The following AMZ1 variants were observed in gnomAD, a reference collection of about 807,000 sequenced individuals.
AMZ1 encodes archaelysin family metallopeptidase 1.
A neutral mutation model predicts 29.9 loss-of-function variants in AMZ1; 39 were observed. The ratio of observed to expected loss-of-function variants is 1.30; its 90% CI spans 1.01 to 1.70. The LOEUF is 1.70. AMZ1 is among the 40% of genes most tolerant of loss of function. The probability of loss-of-function intolerance (pLI) is 0.00; values close to 1 mark genes in which losing one functional copy is unlikely to be tolerated. For missense variants in AMZ1, 1,041 were observed against 680.6 expected (o/e 1.53, Z -5.89); for synonymous variants, 458 against 304.0 (o/e 1.51, Z -5.27).
chr7:2,731,537 C>T lies in AMZ1; in HGVS notation n.550+21721C>T. Reference sequence around the variant, plus strand: ...TCCACCAGCCGGTTGGTGCGCCTGTCCTCCATGAGGACCTGGTCGTACTCG... The same window carrying T: ...TCCACCAGCCGGTTGGTGCGCCTGTTCTCCATGAGGACCTGGTCGTACTCG... On this transcript the variant is annotated intron_variant and non_coding_transcript_variant, in intron 4 of 4. Coordinates refer to the AMZ1 transcript ENST00000489665. This position sits in a 1 kb window ranked among gnomAD's most constrained non-coding sequence, Gnocchi z 6.0. 6.2e-7 allele frequency: 1 copy of T among 1,611,526 alleles called. No homozygotes were observed. The highest frequency in any genetic ancestry group is 1.3e-5 in the African/African-American group (1 of 74,994).
At chr7:2,700,905 G>A in intron 2 of AMZ1, 150 bp downstream of exon 2, 1 of 1,142,534 alleles carries the variant, frequency 8.8e-7, no homozygotes, top group East Asian at 2.6e-5. Flanking sequence ...AGGCAGGGAG[G>A]TCCTGGCTGG....
rs1212170484 is a variant in AMZ1, at chr7:2,719,369, G to A, written c.*6491G>A. On this transcript the variant is annotated 3_prime_UTR_variant, in exon 7 of 7. Transcript: ENST00000683327. Reference sequence around the variant, plus strand: ...CAATGCCTAAAGAGGGCAAAGGCCCGCGCGCCTGGCAGAGCTCCCTCCTCT... The same window carrying A: ...CAATGCCTAAAGAGGGCAAAGGCCCACGCGCCTGGCAGAGCTCCCTCCTCT... Among the ~76,000 whole-genome samples, 6 of 152,212 alleles carry A rather than the reference G, an allele frequency of 3.9e-5. No individual in the cohort carries two copies. Among genetic ancestry groups the A allele is most frequent in the Admixed American group, 1.3e-4 (2 of 15,278 alleles).
At chr7:2,743,942 C>G (rs1790635805) in intron 4 of AMZ1, among the ~76,000 whole-genome samples, 2 of 152,058 alleles carry the variant, frequency 1.3e-5, no homozygotes, top group South Asian at 4.2e-4. Flanking sequence ...AGTCTGAGAT[C>G]AAACTGCAAG....
intron 4 of AMZ1, among the ~76,000 whole-genome samples, chr7:2,746,132 A>G (rs1020840481): frequency 8.5e-5 from 13 of 152,176 alleles, no homozygotes; most frequent in African/African-American, 3.1e-4. Context: ...GTTAACAAGG[A>G]TACCCAGGAA....
intron 4 of AMZ1, among the ~76,000 whole-genome samples, chr7:2,740,391 CCG>C (rs749848633): frequency 5.9e-5 from 9 of 152,196 alleles, no homozygotes; most frequent in Non-Finnish European, 1.3e-4. Context: ...CCCTCTCACT[CCG>C]TCCTATGTGA....
At chr7:2,727,877 G>A (rs780531271) in intron 4 of AMZ1, among the ~76,000 whole-genome samples, 12 of 151,686 alleles carry the variant, frequency 7.9e-5, no homozygotes, top group South Asian at 6.3e-4. Flanking sequence ...CCAACATGGT[G>A]AAACCCTGTC....
intron 6 of AMZ1, among the ~76,000 whole-genome samples, chr7:2,710,296 G>A (rs955555139): frequency 1.5e-4 from 23 of 152,316 alleles, no homozygotes; most frequent in African/African-American, 2.6e-4. Context: ...TGGGGTTGCC[G>A]AGCAAAGGGC....
upstream of AMZ1, among the ~76,000 whole-genome samples, chr7:2,685,085 G>A (rs1787025332): frequency 6.6e-6 from 1 of 151,564 alleles, no homozygotes; most frequent in Non-Finnish European, 1.5e-5. Flanking sequence ...TAGCCAGGAT[G>A]GTCTTGATCT....
intron 4 of AMZ1, among the ~76,000 whole-genome samples, chr7:2,726,690 T>C (rs1380891009): frequency 6.6e-6 from 1 of 152,216 alleles, no homozygotes; most frequent in Non-Finnish European, 1.5e-5. Flanking sequence ...TGGTGCTAAG[T>C]GGCATCCCCA....
intron 4 of AMZ1, among the ~76,000 whole-genome samples, chr7:2,753,234 A>C (rs986049488): frequency 5.9e-5 from 9 of 152,156 alleles, no homozygotes; most frequent in Non-Finnish European, 1.0e-4. Context: ...GGCTCACTGC[A>C]AACTCTCCTC....
intron 4 of AMZ1, among the ~76,000 whole-genome samples, chr7:2,757,174 C>G (rs1169691655): frequency 8.1e-6 from 1 of 123,374 alleles, no homozygotes; most frequent in East Asian, 2.5e-4. Flanking sequence ...CTTGCTCTGT[C>G]ACCCAGGCTG....
intron 4 of AMZ1, among the ~76,000 whole-genome samples, chr7:2,740,158 A>G (rs798515): frequency 0.57 from 86,733 of 151,758 alleles, 25,173 homozygotes; most frequent in Non-Finnish European, 0.63. Context: ...ATGGCACTCC[A>G]GTGTGATCTT....
At chr7:2,729,025 A>G (rs890685730) in intron 4 of AMZ1, 1 of 152,410 alleles carries the variant, frequency 6.6e-6, no homozygotes, top group African/African-American at 2.4e-5. Context: ...ACGAGTAAAT[A>G]TGTCAGACTG....
rs1789864846 is a variant in AMZ1, at chr7:2,731,107, A to G, written n.550+21291A>G. On this transcript the variant is annotated intron_variant and non_coding_transcript_variant, in intron 4 of 4. Transcript: ENST00000489665. The surrounding 1 kb of genome is among the most constrained non-coding windows in gnomAD (Gnocchi z 6.0). ...AGAAACCCACTCAAGGACCACACAG[A>G]CAACACACACCCAAGAGTCTGACCG... The G allele has an allele frequency of 9.9e-7, 1 of 1,008,006 alleles. No homozygotes were observed. The highest frequency in any genetic ancestry group is 1.5e-6 in the Non-Finnish European group (1 of 666,036). The allele number at this position is 1,008,006 out of a possible 1,614,324, so 62.4% of individuals were successfully genotyped here.
upstream of AMZ1, chr7:2,763,257 AT>A (rs1412429215): frequency 1.2e-5 from 4 of 344,558 alleles, no homozygotes; most frequent in East Asian, 4.6e-4. Context: ...CAGAAAACAC[AT>A]TTGCCTTCCC....
chr7:2,699,443 A>C (rs951533188), intron 1 of AMZ1, among the ~76,000 whole-genome samples: 1 of 152,118 alleles, frequency 6.6e-6, no homozygotes, highest in Non-Finnish European at 1.5e-5. Context: ...GGTTTGGCAC[A>C]AACGCCTGCC....
chr7:2,742,801 G>A (rs972238791), intron 4 of AMZ1, among the ~76,000 whole-genome samples: 1 of 152,164 alleles, frequency 6.6e-6, no homozygotes, highest in Non-Finnish European at 1.5e-5. Flanking sequence ...CTTCTTAAAT[G>A]GCATCTTTAA....
chr7:2,681,096 C>T (rs114671760), intron 1 of AMZ1, among the ~76,000 whole-genome samples: 4,643 of 152,338 alleles, frequency 0.03, 152 homozygotes, highest in African/African-American at 0.077. Flanking sequence ...CTTAGAACTA[C>T]GTTTCAGAGT....
chr7:2,738,537 G>A (rs1057469926), intron 4 of AMZ1, among the ~76,000 whole-genome samples: 3 of 152,052 alleles, frequency 2.0e-5, no homozygotes, highest in South Asian at 2.1e-4. Context: ...AAGAAATGGC[G>A]GGAGACTAAA....
Sources: allele counts gnomAD v4.1 joint callset (sites outside exome capture counted in the v4.1 genomes callset), GRCh38; gene constraint gnomAD v4.1.1; non-coding constraint Gnocchi (gnomAD v3.1); transcripts MANE v1.5; gene names NCBI Gene and HGNC (gene_info 2026-07-23, HGNC 2026-07-21).